Variants in KHNYN observed in about 807,000 individuals in gnomAD.
KHNYN encodes the protein KH and NYN domain containing.
In KHNYN, 42 loss-of-function variants were observed where a neutral mutation model predicts 62.7. The ratio of observed to expected loss-of-function variants is 0.67; its 90% CI spans 0.52 to 0.87. The LOEUF (loss-of-function observed/expected upper bound fraction) is 0.87. Among genes scored for constraint, KHNYN ranks in the 40% least tolerant of loss-of-function variants. The pLI, the probability that KHNYN is intolerant of heterozygous loss-of-function variation, is 0.00. For synonymous variants in KHNYN, 347 were observed against 345.6 expected (o/e 1.00, Z -0.04); for missense variants, 829 against 874.1 (o/e 0.95, Z 0.65).
At chr14:24,430,343 G>C in intron 1 of KHNYN, 1 of 781,138 alleles carries the variant, frequency 1.3e-6, no homozygotes, top group Non-Finnish European at 1.6e-6. Flanking sequence ...GGCCCCCAGA[G>C]GACAGCCTAG....
chr14:24,425,815 A>C (rs1191321806), upstream of KHNYN, among the ~76,000 whole-genome samples: 1 of 152,234 alleles, frequency 6.6e-6, no homozygotes, highest in Non-Finnish European at 1.5e-5. Context: ...ATTGTCTTAT[A>C]ACACGCCATT....
In KHNYN at chr14:24,430,150, CG is replaced by C. The variant is rs1460590789; in HGVS notation, c.-18+35del. The stretch of plus-strand genomic sequence containing the variant: ...CGCGCCCCTCCACCGCGCCCGGGAG[CG>C]GGGAGCGGGGGCCGCGGTGCGGAGT... On this transcript the variant is annotated intron_variant, in intron 1 of 7. Transcript: ENST00000553935. 3.1e-6 allele frequency: 3 copies of C among 982,690 alleles called. No individual in the cohort carries two copies. In the African/African-American group the frequency reaches 5.3e-5, roughly 17 times the overall value. 60.9% of individuals were successfully genotyped at this position (982,690 alleles called of 1,614,324 possible). A position where few individuals can be genotyped will look rare whatever the true frequency, so the allele number is the denominator to read the frequency against.
rs769990916 is a variant in KHNYN, at chr14:24,440,839, C to T, written c.*3554C>T. 17 of 1,613,876 alleles carry T rather than the reference C, an allele frequency of 1.1e-5. No individual in the cohort carries two copies. In the Admixed American group the frequency reaches 2.3e-4, roughly 22 times the overall value. On this transcript the variant is annotated 3_prime_UTR_variant, in exon 8 of 8. Transcript: ENST00000553935. ...TCCAGGAAGCCTGGCTGCAGCTTCC[C>T]ATTTGGTTACGAGGTTGGAGAAAAA... is the stretch of plus-strand genomic sequence containing the variant.
chr14:24,431,509 A>G lies in KHNYN; in HGVS notation c.248A>G (p.His83Arg). Residue 83 changes from histidine (H) to arginine (R), a missense_variant, in exon 3 of 8, where the codon CAC (histidine) becomes CGC (arginine). By Grantham distance (29) the His-to-Arg change is conservative. This residue lies in a region of KHNYN where 559 missense variants were observed against 527.0 expected (regional missense o/e 1.06). Coordinates refer to ENST00000553935, the MANE Select transcript of KHNYN (RefSeq NM_015299.3). ...AGCCCAGAACTGCAGGATGAAATCC[A>G]CTACCCGCCCAAACTGCACTGCATC... ...LCSPELQDEI[H>R]YPPKLHCIFL... 6.3e-7 allele frequency: 1 copy of G among 1,599,290 alleles called. No individual in the cohort carries two copies. Among genetic ancestry groups the G allele is most frequent in the Non-Finnish European group, 8.6e-7 (1 of 1,168,468 alleles).
intron 5 of KHNYN, chr14:24,434,264 A>C: frequency 1.0e-6 from 1 of 985,482 alleles, no homozygotes; most frequent in Non-Finnish European, 1.2e-6. Context: ...GAATTCGCCC[A>C]GTAACAGTGA....
Position 24,431,444 on chromosome 14 carries a change from T to A in KHNYN, c.202-19T>A. 1 of 1,541,278 alleles carries A rather than the reference T, an allele frequency of 6.5e-7. No homozygotes were observed. The highest frequency in any genetic ancestry group is 8.8e-7 in the Non-Finnish European group (1 of 1,140,322). On this transcript the variant is annotated intron_variant, in intron 2 of 7. Transcript: ENST00000553935. The stretch of plus-strand genomic sequence containing the variant: ...GCCAGTTAGTTTACTTTTCCTGACC[T>A]TCCCTTCCTCCCAACCAGGAGTACC...
intron 5 of KHNYN, chr14:24,435,786 G>A: frequency 4.3e-6 from 2 of 466,090 alleles, no homozygotes; most frequent in South Asian, 5.2e-5. Context: ...TCAGTTGCCT[G>A]TAGCTGGGTC....
rs1464985704 is a variant in KHNYN, at chr14:24,437,626, A to G, written c.*341A>G. On this transcript the variant is annotated 3_prime_UTR_variant, in exon 8 of 8. Coordinates refer to ENST00000553935, the MANE Select transcript of KHNYN (RefSeq NM_015299.3). The surrounding 1 kb of genome is among the most constrained non-coding windows in gnomAD (Gnocchi z 5.5). The stretch of plus-strand genomic sequence containing the variant: ...AGCTAGGGTGGAGGGCAGGGTGGGC[A>G]GGAAGTGACAGGAAGTTAAGCTGTT... 4.8e-6 allele frequency: 1 copy of G among 208,064 alleles called. No homozygotes were observed. Among genetic ancestry groups the G allele is most frequent in the East Asian group, 1.2e-4 (1 of 8,140 alleles). 12.9% of individuals were successfully genotyped at this position (208,064 alleles called of 1,614,324 possible). A position where few individuals can be genotyped will look rare whatever the true frequency, so the allele number is the denominator to read the frequency against.
upstream of KHNYN, chr14:24,428,773 C>T: frequency 3.1e-6 from 5 of 1,598,538 alleles, no homozygotes; most frequent in Non-Finnish European, 4.3e-6. Context: ...AGTAGATGGC[C>T]CCACTGGTGC....
intron 5 of KHNYN, 33 bp from the exon 6 acceptor site, chr14:24,436,039 A>G: frequency 1.9e-6 from 3 of 1,562,280 alleles, no homozygotes; most frequent in East Asian, 4.5e-5. Context: ...TAATTTTTCA[A>G]CCCTCTCTCG....
upstream of KHNYN, chr14:24,428,112 C>A: frequency 7.6e-7 from 1 of 1,313,242 alleles, no homozygotes; most frequent in Non-Finnish European, 1.1e-6. Flanking sequence ...GAGGGGCGGC[C>A]AGCATTGGAC....
At chr14:24,433,673 T>C (rs1257562065) in intron 5 of KHNYN, among the ~76,000 whole-genome samples, 2 of 152,248 alleles carry the variant, frequency 1.3e-5, no homozygotes, top group South Asian at 4.1e-4. Context: ...CTTGCCTTGC[T>C]CAAGGTGCTA....
At chr14:24,436,972 C>T in intron 7 of KHNYN, 64 bp from the exon 8 acceptor site, 1 of 1,551,910 alleles carries the variant, frequency 6.4e-7, no homozygotes, top group South Asian at 1.2e-5. Context: ...GAGAGGGGTG[C>T]CCACTAAGAT....
chr14:24,432,033 G>T lies in KHNYN; in HGVS notation c.772G>T (p.Glu258Ter). Reference sequence around the variant, plus strand: ...GGGAGACACTTACGCTGTGGAGAAGGAGGGAGGGAAACAGGGTGGTCCCAG... The same window carrying T: ...GGGAGACACTTACGCTGTGGAGAAGTAGGGAGGGAAACAGGGTGGTCCCAG... ...ARGDTYAVEK[E>*]GGKQGGPREM... Residue 258 changes from glutamate to a stop codon, truncating the protein, a stop_gained, in exon 3 of 8, where the codon GAG becomes TAG. Coordinates refer to ENST00000553935, the MANE Select transcript of KHNYN (RefSeq NM_015299.3). LOFTEE classifies it high-confidence loss of function. The surrounding 1 kb of genome is among the most constrained non-coding windows in gnomAD (Gnocchi z 5.6). The T allele has an allele frequency of 6.2e-7, 1 of 1,604,720 alleles. No homozygotes were observed. Among genetic ancestry groups the T allele is most frequent in the Non-Finnish European group, 8.5e-7 (1 of 1,173,908 alleles).
chr14:24,423,318 C>T, the KHNYN span, among the ~76,000 whole-genome samples: 4 of 152,126 alleles, frequency 2.6e-5, no homozygotes, highest in Admixed American at 2.0e-4. Flanking sequence ...ACTTTAAGAG[C>T]TGCTGAAGGG....
In KHNYN at chr14:24,437,214, A is replaced by G. The variant is rs1448139393; in HGVS notation, c.1966A>G (p.Ile656Val). The change falls in exon 8 of 8, where the codon ATC (isoleucine) becomes GTC (valine). Residue 656 changes from isoleucine (I) to valine (V), a missense_variant. Coordinates refer to ENST00000553935, the MANE Select transcript of KHNYN (RefSeq NM_015299.3). This position sits in a 1 kb window ranked among gnomAD's most constrained non-coding sequence, Gnocchi z 5.5. ...FWGQDHKVDF[I>V]LQREPYCRDI... ...GGGTCAGGATCACAAAGTGGACTTC[A>G]TCCTGCAGCGGGAGCCATACTGCCG... is the stretch of plus-strand genomic sequence containing the variant. 1.2e-6 allele frequency: 2 copies of G among 1,614,074 alleles called. No individual in the cohort carries two copies. Among genetic ancestry groups the G allele is most frequent in the African/African-American group, 2.7e-5 (2 of 74,924 alleles).
Position 24,437,022 on chromosome 14 carries a change from C to A in KHNYN, c.1788-14C>A. ...AGGATGCTCATCAGCTCTTTTTGGT[C>A]TGTTTCTTCCCAGGACACAGGGGTC... On this transcript the variant is annotated splice_polypyrimidine_tract_variant and intron_variant, in intron 7 of 7. Transcript: ENST00000553935. This position sits in a 1 kb window ranked among gnomAD's most constrained non-coding sequence, Gnocchi z 5.5. The A allele has an allele frequency of 6.2e-7, 1 of 1,602,102 alleles. No homozygotes were observed. The highest frequency in any genetic ancestry group is 1.3e-5 in the African/African-American group (1 of 74,434).
chr14:24,428,496 G>A (rs2043047989), upstream of KHNYN: 33 of 1,468,818 alleles, frequency 2.2e-5, 1 homozygote, highest in South Asian at 3.9e-4. Flanking sequence ...AGTGAGTAAT[G>A]AATAGAAGGA....
upstream of KHNYN, chr14:24,429,073 C>A: frequency 6.8e-7 from 1 of 1,470,700 alleles, no homozygotes; most frequent in Non-Finnish European, 9.0e-7. Context: ...GGCTCTGCAA[C>A]CCACAAGTGC....
Sources: allele counts gnomAD v4.1 joint callset (sites outside exome capture counted in the v4.1 genomes callset), GRCh38; gene constraint gnomAD v4.1.1; regional missense constraint gnomAD v4.1.1; non-coding constraint Gnocchi (gnomAD v3.1); transcripts MANE v1.5; gene names NCBI Gene and HGNC (gene_info 2026-07-23, HGNC 2026-07-21).